Variants in UBE2U observed in about 807,000 individuals in gnomAD.
UBE2U encodes the protein ubiquitin conjugating enzyme E2 U.
In UBE2U, 39 loss-of-function variants were observed where a neutral mutation model predicts 41.2. The ratio of observed to expected loss-of-function variants is 0.95; its 90% CI spans 0.73 to 1.24. UBE2U has a LOEUF of 1.24. Ranked by LOEUF, UBE2U falls within the 50% of genes most tolerant of loss-of-function variation. UBE2U has a pLI of 0.00. For synonymous variants in UBE2U, 107 were observed against 117.8 expected (o/e 0.91, Z 0.60); for missense variants, 336 against 363.1 (o/e 0.93, Z 0.61).
chr1:64,256,981 G>A (rs1645104019), intron 8 of UBE2U, among the ~76,000 whole-genome samples: 2 of 151,468 alleles, frequency 1.3e-5, no homozygotes, highest in Admixed American at 6.6e-5. Context: ...TATACATGCA[G>A]CCAACAAACA....
chr1:64,206,455 A>T (rs1651301916), intron 2 of UBE2U, among the ~76,000 whole-genome samples: 1 of 151,548 alleles, frequency 6.6e-6, no homozygotes, highest in African/African-American at 2.4e-5. Flanking sequence ...TGTAGACAAG[A>T]AAGGGTGTAG....
intron 5 of UBE2U, among the ~76,000 whole-genome samples, chr1:64,219,720 C>T (rs945092988): frequency 6.6e-6 from 1 of 151,908 alleles, no homozygotes; most frequent in African/African-American, 2.4e-5. Context: ...CTCAGCCTCC[C>T]AAGTAGCTGG....
intron 5 of UBE2U, among the ~76,000 whole-genome samples, chr1:64,219,153 A>C (rs1366697890): frequency 6.6e-6 from 1 of 152,178 alleles, no homozygotes; most frequent in Middle Eastern, 3.2e-3. Context: ...TGCATGCCTA[A>C]AAATGTAATT....
chr1:64,261,793 T>C (rs1387206565), intron 9 of UBE2U, among the ~76,000 whole-genome samples: 1 of 152,212 alleles, frequency 6.6e-6, no homozygotes, highest in Admixed American at 6.5e-5. Flanking sequence ...TGTTCACCAG[T>C]GGAAGAGATC....
At chr1:64,260,736 A>G (rs1645168761) in intron 9 of UBE2U, 42 bp downstream of exon 9, 1 of 1,451,200 alleles carries the variant, frequency 6.9e-7, no homozygotes, top group Non-Finnish European at 9.4e-7. Flanking sequence ...TATAAATAAC[A>G]TATTATGCAT....
intron 7 of UBE2U, among the ~76,000 whole-genome samples, chr1:64,238,383 GAC>G (rs1044259153): frequency 2.0e-5 from 3 of 150,392 alleles, no homozygotes; most frequent in Admixed American, 2.0e-4. Context: ...CAGCCTGGGT[GAC>G]AGAGTGAGAC....
At chr1:64,215,655 G>A (rs1270874897) in intron 5 of UBE2U, 1 of 152,128 alleles carries the variant, frequency 6.6e-6, no homozygotes, top group African/African-American at 2.4e-5. Context: ...TTTTTTTCCG[G>A]AGAGTTCCCT....
chr1:64,207,784 G>T (rs1439775659), intron 3 of UBE2U, among the ~76,000 whole-genome samples: 1 of 152,144 alleles, frequency 6.6e-6, no homozygotes, highest in Non-Finnish European at 1.5e-5. Context: ...CCCAGTAACT[G>T]TATGGAAAAT....
At chr1:64,223,554 A>G (rs1381707320) in intron 6 of UBE2U, among the ~76,000 whole-genome samples, 1 of 152,184 alleles carries the variant, frequency 6.6e-6, no homozygotes. Flanking sequence ...TCACTAAGTC[A>G]TCCATCTCTG....
chr1:64,220,948 A>G, intron 6 of UBE2U, 41 bp downstream of exon 6: 2 of 1,381,536 alleles, frequency 1.4e-6, no homozygotes, highest in Non-Finnish European at 2.0e-6. Context: ...TTTATTTACC[A>G]AAAGGACTAT....
intron 8 of UBE2U, among the ~76,000 whole-genome samples, 174 bp downstream of exon 8, chr1:64,241,907 A>G (rs955948378): frequency 1.8e-4 from 28 of 152,134 alleles, no homozygotes; most frequent in Non-Finnish European, 2.5e-4. Flanking sequence ...TTTCATATGA[A>G]CCCAGGTAGG....
intron 8 of UBE2U, among the ~76,000 whole-genome samples, chr1:64,258,887 G>T (rs1474550314): frequency 6.6e-6 from 1 of 152,202 alleles, no homozygotes; most frequent in Non-Finnish European, 1.5e-5. Flanking sequence ...GATCCTTGAG[G>T]AATCGCCACA....
chr1:64,250,794 T>C (rs1644994854), intron 8 of UBE2U, among the ~76,000 whole-genome samples: 1 of 151,648 alleles, frequency 6.6e-6, no homozygotes. Flanking sequence ...ACCATCATTC[T>C]CAGCAAACTA....
chr1:64,216,933 A>G lies in UBE2U; in HGVS notation c.457+2001A>G, dbSNP rs1249616090. Among the ~76,000 whole-genome samples the G allele has an allele frequency of 2.0e-5, 3 of 152,288 alleles. No homozygotes were observed. In the East Asian group the frequency reaches 5.8e-4, roughly 29 times the overall value. On this transcript the variant is annotated intron_variant, in intron 5 of 9. Coordinates refer to ENST00000371077, the MANE Select transcript of UBE2U (RefSeq NM_001366232.2). ...TCACATACCCCAGACTGCCTGGGAA[A>G]GTCCTGGTATAATTATTCCCAGTAC... is the stretch of plus-strand genomic sequence containing the variant.
chr1:64,245,880 C>A (rs747895303), intron 8 of UBE2U, among the ~76,000 whole-genome samples: 2 of 152,088 alleles, frequency 1.3e-5, no homozygotes, highest in Non-Finnish European at 2.9e-5. Flanking sequence ...CTCTAGTTTA[C>A]CAGTGAGAGA....
In UBE2U at chr1:64,206,842, C is replaced by T. The variant is rs902908780; in HGVS notation, c.227C>T (p.Pro76Leu). 3.8e-6 allele frequency: 6 copies of T among 1,592,128 alleles called. No individual in the cohort carries two copies. The highest frequency in any genetic ancestry group is 2.2e-5 in the East Asian group (1 of 44,682). ...APPVVKFITI[P>L]FHPNVDPHTG... is the part of the protein sequence containing the mutation. ...CCAGTTGTGAAATTTATAACAATTC[C>T]GTTTCATCCAAATGGTAAGAACTAA... The change falls in exon 3 of 10, where the codon CCG (proline) becomes CTG (leucine). Residue 76 changes from proline to leucine, a missense_variant. Transcript: ENST00000371077.
chr1:64,260,203 T>C (rs1051243732), intron 8 of UBE2U, among the ~76,000 whole-genome samples: 3 of 152,150 alleles, frequency 2.0e-5, no homozygotes, highest in African/African-American at 4.8e-5. Flanking sequence ...GCTGCCACCT[T>C]GATCCCCAAC....
chr1:64,259,232 A>AC (rs1645144670), intron 8 of UBE2U, among the ~76,000 whole-genome samples: 5 of 152,220 alleles, frequency 3.3e-5, no homozygotes, highest in Admixed American at 6.5e-5. Context: ...CCCCTTTGTC[A>AC]GATGGGTAGG....
chr1:64,211,088 A>G (rs1405765280), intron 4 of UBE2U, among the ~76,000 whole-genome samples: 1 of 152,220 alleles, frequency 6.6e-6, no homozygotes, highest in African/African-American at 2.4e-5. Flanking sequence ...AAAGAATAAA[A>G]TAATTATTTA....
Sources: gnomAD v4.1 joint callset for allele counts (sites outside exome capture counted in the v4.1 genomes callset) on GRCh38, gnomAD v4.1.1 for gene constraint, MANE v1.5 for transcripts, NCBI Gene and HGNC (gene_info 2026-07-23, HGNC 2026-07-21) for gene names.